MTMR10: variants seen among roughly 807,000 people sequenced by gnomAD.
The protein encoded by MTMR10 is myotubularin-related protein 10.
A neutral mutation model predicts 88.1 loss-of-function variants in MTMR10; 56 were observed. The ratio of observed to expected loss-of-function variants is 0.64; its 90% confidence interval spans 0.51 to 0.79. The LOEUF (loss-of-function observed/expected upper bound fraction) is 0.79, where lower values mean the gene tolerates loss of function less well. MTMR10 is among the 30% of genes least tolerant of loss of function. MTMR10 has a pLI of 0.00. For missense variants in MTMR10, 883 were observed against 924.7 expected (o/e 0.95, Z 0.58); for synonymous variants, 380 against 340.9 (o/e 1.11, Z -1.26).
chr15:30,959,013 A>T (rs777237122), intron 8 of MTMR10, 21 bp downstream of exon 8: 1 of 1,613,678 alleles, frequency 6.2e-7, no homozygotes, highest in Non-Finnish European at 8.5e-7. Flanking sequence ...GCATTCATAA[A>T]ATCCAACAGA....
chr15:30,932,979 C>G, the MTMR10 span, among the ~76,000 whole-genome samples: 1 of 151,966 alleles, frequency 6.6e-6, no homozygotes, highest in Non-Finnish European at 1.5e-5. Flanking sequence ...CTTGGCCTCC[C>G]AAAGTGCTGG....
intron 9 of MTMR10, among the ~76,000 whole-genome samples, chr15:30,956,893 T>G (rs1239892872): frequency 6.6e-6 from 1 of 152,146 alleles, no homozygotes; most frequent in Non-Finnish European, 1.5e-5. Context: ...AGGCTTGGAG[T>G]ATGACACAGC....
chr15:30,925,214 C>T, the MTMR10 span: 15 of 1,613,902 alleles, frequency 9.3e-6, no homozygotes, highest in Admixed American at 3.3e-5. Context: ...CGTGCGCCTG[C>T]GAGAGTCTCC....
In MTMR10 at chr15:30,939,385, C is replaced by T. The variant is rs897438010; in HGVS notation, c.*2085G>A. On this transcript the variant is annotated 3_prime_UTR_variant, in exon 16 of 16. Coordinates refer to ENST00000435680, the MANE Select transcript of MTMR10 (RefSeq NM_017762.3). ...CTCTCTAGTGCGCCCTGTGCAGCCA[C>T]ACCACTGCTGTCACCACATGTCCCT... is the stretch of plus-strand genomic sequence containing the variant. 1 of 985,358 alleles carries T rather than the reference C, an allele frequency of 1.0e-6. No homozygotes were observed. The highest frequency in any genetic ancestry group is 1.7e-5 in the African/African-American group (1 of 57,238). The allele number at this position is 985,358 out of a possible 1,614,324, so 61.0% of individuals were successfully genotyped here. A position where few individuals can be genotyped will look rare whatever the true frequency, so the allele number is the denominator to read the frequency against.
the MTMR10 span, chr15:30,928,736 A>G: frequency 1.0e-5 from 16 of 1,597,890 alleles, no homozygotes; most frequent in Non-Finnish European, 1.3e-5. Context: ...CCGTGTGTCC[A>G]CAGCCAGCAG....
Position 30,940,143 on chromosome 15 carries a change from A to G in MTMR10, c.*1327T>C. On this transcript the variant is annotated 3_prime_UTR_variant, in exon 16 of 16. Transcript: ENST00000435680. The stretch of plus-strand genomic sequence containing the variant: ...AGGATGGCAGTTTAAGAAACAGTCA[A>G]ATTTGAAAGTATCCATGTTTTAAGC... 1.0e-6 allele frequency: 1 copy of G among 985,468 alleles called. No individual in the cohort carries two copies. Among genetic ancestry groups the G allele is most frequent in the Non-Finnish European group, 1.2e-6 (1 of 829,944 alleles). 61.0% of individuals were successfully genotyped at this position (985,468 alleles called of 1,614,324 possible).
At position 30,947,301 on chromosome 15, in the gene MTMR10, C is replaced by A. The variant is rs758266776; in HGVS notation, c.1378-1G>T. Reference sequence around the variant, plus strand: ...CCAAGAATAGCAAAAATAAAGGAGACTGGCAAATACAAAGAGACAATGGGA... The same window carrying A: ...CCAAGAATAGCAAAAATAAAGGAGAATGGCAAATACAAAGAGACAATGGGA... On this transcript the variant is annotated splice_acceptor_variant, in intron 13 of 15. Transcript: ENST00000435680. LOFTEE classifies it high-confidence loss of function. The A allele has an allele frequency of 1.2e-6, 2 of 1,612,668 alleles. No homozygotes were observed. The highest frequency in any genetic ancestry group is 1.7e-6 in the Non-Finnish European group (2 of 1,179,462).
At chr15:30,938,930 T>C, downstream of MTMR10, 1 of 985,400 alleles carries the variant, frequency 1.0e-6, no homozygotes, top group South Asian at 4.7e-5. Context: ...GATTTCATAC[T>C]GACAACAACA....
chr15:30,919,080 A>T, the MTMR10 span, among the ~76,000 whole-genome samples: 1 of 152,210 alleles, frequency 6.6e-6, no homozygotes, highest in African/African-American at 2.4e-5. Context: ...AGAATATGTT[A>T]TTAAGGAAAA....
intron 2 of MTMR10, among the ~76,000 whole-genome samples, chr15:30,981,752 T>C (rs2030590331): frequency 1.3e-5 from 2 of 152,198 alleles, no homozygotes; most frequent in African/African-American, 4.8e-5. Flanking sequence ...TATATTTCTA[T>C]GTTTAAAGAG....
At chr15:30,976,266 G>C (rs1455784946) in intron 3 of MTMR10, among the ~76,000 whole-genome samples, 2 of 152,018 alleles carry the variant, frequency 1.3e-5, no homozygotes, top group African/African-American at 4.8e-5. Flanking sequence ...GCCGGGAGTG[G>C]TGGCATGCAC....
the MTMR10 span, chr15:30,930,528 GTGTTTTGTGT>G: frequency 6.3e-7 from 1 of 1,583,194 alleles, no homozygotes; most frequent in Non-Finnish European, 8.5e-7. Context: ...TAACTGTCCT[GTGTTTTGTGT>G]TCAGGATCTT....
intron 2 of MTMR10, among the ~76,000 whole-genome samples, chr15:30,984,217 G>A (rs2030785372): frequency 6.6e-6 from 1 of 152,194 alleles, no homozygotes; most frequent in Non-Finnish European, 1.5e-5. Flanking sequence ...GGAGGTTCAT[G>A]AACGGTGTTG....
At position 30,941,558 on chromosome 15, in the gene MTMR10, C is replaced by G; in HGVS notation, c.2246G>C (p.Arg749Thr). 1 of 1,603,398 alleles carries G rather than the reference C, an allele frequency of 6.2e-7. No homozygotes were observed. The highest frequency in any genetic ancestry group is 8.5e-7 in the Non-Finnish European group (1 of 1,174,282). ...FPFSPVGNLC[R>T]RSILGTPLSK... ...TAATGGTGTTCCTAAAATGCTTCGTCTGCACAGATTCCCTACAGGAGAAAA... is the reference window on the plus strand; with the variant it reads ...TAATGGTGTTCCTAAAATGCTTCGTGTGCACAGATTCCCTACAGGAGAAAA... The change falls in exon 16 of 16, where the codon AGA becomes ACA. Residue 749 changes from arginine (R) to threonine (T), a missense_variant. Physicochemically the swap from Arg to Thr is moderately conservative, Grantham distance 71 (BLOSUM62 -1). Coordinates refer to ENST00000435680, the MANE Select transcript of MTMR10 (RefSeq NM_017762.3).
At chr15:30,947,392 G>A (rs1595911522) in intron 13 of MTMR10, 92 bp from the exon 14 acceptor site, 1 of 1,404,256 alleles carries the variant, frequency 7.1e-7, no homozygotes, top group Non-Finnish European at 9.6e-7. Context: ...TTAAAGAAGA[G>A]ATGAATGAGA....
chr15:30,945,570 G>A (rs1301837377), intron 14 of MTMR10, among the ~76,000 whole-genome samples: 1 of 152,130 alleles, frequency 6.6e-6, no homozygotes, highest in African/African-American at 2.4e-5. Context: ...ACGGGGTAGT[G>A]ACGGGAGACA....
chr15:30,922,437 T>C, the MTMR10 span: 2 of 1,338,046 alleles, frequency 1.5e-6, no homozygotes, highest in Non-Finnish European at 1.0e-6. Flanking sequence ...TGCCTTAAAA[T>C]TTACATGTAA....
the MTMR10 span, among the ~76,000 whole-genome samples, chr15:30,923,738 T>C: frequency 6.6e-6 from 1 of 152,234 alleles, no homozygotes; most frequent in African/African-American, 2.4e-5. Flanking sequence ...CATTCTCCCA[T>C]CTTCATTTCC....
Position 30,941,963 on chromosome 15 carries a change from G to A in MTMR10, c.1841C>T (p.Pro614Leu). ...RRNSLILKPK[P>L]DPAQQTDSQN... ...GCTGTCGGTTTGCTGAGCTGGATCT[G>A]GCTTTGGTTTTAATATCAATGAATT... is the stretch of plus-strand genomic sequence containing the variant. Residue 614 changes from proline (P) to leucine (L), a missense_variant, in exon 16 of 16, where the codon CCA (proline) becomes CTA (leucine). Pro to Leu is a moderately conservative substitution (Grantham distance 98). Transcript: ENST00000435680. The A allele has an allele frequency of 6.2e-7, 1 of 1,613,986 alleles. No homozygotes were observed. The highest frequency in any genetic ancestry group is 8.5e-7 in the Non-Finnish European group (1 of 1,179,896).
Sources: allele counts gnomAD v4.1 joint callset (sites outside exome capture counted in the v4.1 genomes callset), GRCh38; gene constraint gnomAD v4.1.1; transcripts MANE v1.5; gene names NCBI Gene and HGNC (gene_info 2026-07-23, HGNC 2026-07-21).